ZNF69: variants seen among roughly 807,000 people sequenced by gnomAD.
ZNF69 encodes the protein zinc finger protein 69, also known as ZNF3.
A neutral mutation model predicts 50.9 loss-of-function variants in ZNF69; 47 were observed. That is an observed-to-expected ratio of 0.92 (90% CI 0.73 to 1.18). The LOEUF (loss-of-function observed/expected upper bound fraction) is 1.18. Ranked by LOEUF, ZNF69 falls within the 50% of genes most tolerant of loss-of-function variation. The pLI is 0.00. For missense variants in ZNF69, 717 were observed against 675.1 expected (o/e 1.06, Z -0.69); for synonymous variants, 216 against 223.1 (o/e 0.97, Z 0.29).
At chr19:11,975,332 C>A in the ZNF69 span, among the ~76,000 whole-genome samples, 2 of 152,024 alleles carry the variant, frequency 1.3e-5, no homozygotes, top group Admixed American at 6.6e-5. Flanking sequence ...CCCACACCCC[C>A]CAAAGTTCTG....
At chr19:11,935,787 C>G in the ZNF69 span, among the ~76,000 whole-genome samples, 1 of 152,112 alleles carries the variant, frequency 6.6e-6, no homozygotes, top group African/African-American at 2.4e-5. Flanking sequence ...TAACATGTGC[C>G]GTGTTGGTTT....
At chr19:11,902,195 T>A (rs1485558505) in intron 1 of ZNF69, among the ~76,000 whole-genome samples, 1 of 152,052 alleles carries the variant, frequency 6.6e-6, no homozygotes, top group African/African-American at 2.4e-5. Context: ...CTGGTCAGGC[T>A]GATCTCAAAC....
chr19:11,962,023 G>T, the ZNF69 span, among the ~76,000 whole-genome samples: 1 of 152,134 alleles, frequency 6.6e-6, no homozygotes, highest in Non-Finnish European at 1.5e-5. Flanking sequence ...GTTGCCCAGG[G>T]TGGTCATAGC....
chr19:11,947,304 ATAGGT>A, the ZNF69 span: 2 of 1,613,794 alleles, frequency 1.2e-6, no homozygotes, highest in Non-Finnish European at 1.7e-6. Flanking sequence ...CCTGACCTCT[ATAGGT>A]AAGGATGACA....
At chr19:11,953,480 CAT>C in the ZNF69 span, 19 of 152,222 alleles carry the variant, frequency 1.2e-4, no homozygotes, top group African/African-American at 4.3e-4. Context: ...TCCTTTATAA[CAT>C]ATGCTTTTCT....
the ZNF69 span, chr19:11,979,801 T>C: frequency 6.3e-7 from 1 of 1,575,552 alleles, no homozygotes; most frequent in Non-Finnish European, 8.7e-7. Context: ...CCTATGAGTG[T>C]AAGGAATGTG....
chr19:11,925,065 G>T, the ZNF69 span: 1 of 809,526 alleles, frequency 1.2e-6, no homozygotes, highest in South Asian at 1.5e-5. Flanking sequence ...GCTGGGGCGT[G>T]GCACTGCCCA....
intron 1 of ZNF69, among the ~76,000 whole-genome samples, chr19:11,890,402 A>G (rs1398218549): frequency 1.3e-5 from 2 of 152,232 alleles, no homozygotes; most frequent in African/African-American, 4.8e-5. Flanking sequence ...ATTGTTAACA[A>G]GGCACATCCT....
chr19:11,905,070 T>C lies in ZNF69; in HGVS notation c.673T>C (p.Cys225Arg), dbSNP rs1164965938. The C allele has an allele frequency of 1.2e-6, 2 of 1,614,188 alleles. No individual in the cohort carries two copies. Among genetic ancestry groups the C allele is most frequent in the Admixed American group, 1.7e-5 (1 of 60,020 alleles). Residue 225 changes from cysteine (C) to arginine (R), a missense_variant, in exon 4 of 4, where the codon TGT (cysteine) becomes CGT (arginine). Coordinates refer to ENST00000429654, the MANE Select transcript of ZNF69 (RefSeq NM_001364730.1). Reference sequence around the variant, plus strand: ...GGATGGACCTTATAAATGTAAATTTTGTGGGAAAGCCTTCCATTGTCTCAG... The same window carrying C: ...GGATGGACCTTATAAATGTAAATTTCGTGGGAAAGCCTTCCATTGTCTCAG... ...SGDGPYKCKFCGKAFHCLSLY... is the reference protein window; with the variant it reads ...SGDGPYKCKFRGKAFHCLSLY...
the ZNF69 span, among the ~76,000 whole-genome samples, chr19:11,954,625 G>A: frequency 6.6e-6 from 1 of 152,124 alleles, no homozygotes; most frequent in Non-Finnish European, 1.5e-5. Context: ...GAGCCCAGGA[G>A]CTCAAGACCA....
chr19:11,974,121 CTTTCTTTT>C, the ZNF69 span, among the ~76,000 whole-genome samples: 14 of 74,966 alleles, frequency 1.9e-4, no homozygotes, highest in African/African-American at 7.3e-4. Context: ...TTCTTTCTTT[CTTTCTTTT>C]CTTTCTTTCT....
At chr19:11,965,767 A>G in the ZNF69 span, among the ~76,000 whole-genome samples, 1 of 152,246 alleles carries the variant, frequency 6.6e-6, no homozygotes, top group Admixed American at 6.5e-5. Context: ...GGCAAGGGAA[A>G]CACAACCCCA....
chr19:11,960,875 G>A, the ZNF69 span, among the ~76,000 whole-genome samples: 1 of 152,044 alleles, frequency 6.6e-6, no homozygotes. Context: ...CTTGACTCTT[G>A]CTCCCCATCT....
chr19:11,935,581 C>T, the ZNF69 span, among the ~76,000 whole-genome samples: 1 of 151,892 alleles, frequency 6.6e-6, no homozygotes, highest in Non-Finnish European at 1.5e-5. Context: ...AATTTTAGGA[C>T]TTCTTCATAC....
At chr19:11,975,490 C>T in the ZNF69 span, among the ~76,000 whole-genome samples, 85 of 152,096 alleles carry the variant, frequency 5.6e-4, no homozygotes, top group East Asian at 2.1e-3. Context: ...TTCCGCTTCC[C>T]GGGTTCACGC....
the ZNF69 span, chr19:11,925,338 C>T: frequency 1.3e-6 from 2 of 1,595,070 alleles, no homozygotes. Context: ...CGGGAACCGG[C>T]TGTGGCGGGA....
chr19:11,963,081 G>A, the ZNF69 span, among the ~76,000 whole-genome samples: 1 of 147,062 alleles, frequency 6.8e-6, no homozygotes. Flanking sequence ...TGGTGAGAGA[G>A]AGAGAGAGTG....
Position 11,901,258 on chromosome 19 carries a change from T to C in ZNF69, c.64-2315T>C, listed in dbSNP as rs191994411. 2.1e-3 allele frequency among the ~76,000 whole-genome samples: 322 copies of C among 152,284 alleles called. 1 individual carries two copies. The highest frequency in any genetic ancestry group is 6.8e-3 in the African/African-American group (282 of 41,552). On this transcript the variant is annotated intron_variant, in intron 1 of 3. Coordinates refer to ENST00000429654, the MANE Select transcript of ZNF69 (RefSeq NM_001364730.1). ...CTTGTCATCTTATGGAATCTTCTCT[T>C]TTATATTTAATTTATTGAGCATTTT...
the ZNF69 span, among the ~76,000 whole-genome samples, chr19:11,922,565 T>A: frequency 6.6e-6 from 1 of 152,224 alleles, no homozygotes. Context: ...CTGAAGGTTC[T>A]GCAGCTTGGT....
Sources: gnomAD v4.1 joint callset for allele counts (sites outside exome capture counted in the v4.1 genomes callset) on GRCh38, gnomAD v4.1.1 for gene constraint, MANE v1.5 for transcripts, NCBI Gene and HGNC (gene_info 2026-07-23, HGNC 2026-07-21) for gene names.